The following CASP8 variants were observed in gnomAD, a reference collection of about 807,000 sequenced individuals.
CASP8 encodes caspase-8.
A neutral mutation model predicts 46.3 loss-of-function variants in CASP8; 24 were observed. That is an observed-to-expected ratio of 0.52 (90% CI 0.38 to 0.73). The LOEUF (loss-of-function observed/expected upper bound fraction) is 0.73. CASP8 is among the 30% of genes least tolerant of loss of function. The pLI is 0.00. For synonymous variants in CASP8, 188 were observed against 200.4 expected (o/e 0.94, Z 0.52); for missense variants, 460 against 559.0 (o/e 0.82, Z 1.79).
At chr2:201,237,067 C>G (rs1030867189) in intron 2 of CASP8, among the ~76,000 whole-genome samples, 1 of 151,352 alleles carries the variant, frequency 6.6e-6, no homozygotes, top group Non-Finnish European at 1.5e-5. Context: ...TTCCTTTTCC[C>G]CAGTATGACC....
At chr2:201,247,573 G>A (rs967630006) in intron 2 of CASP8, among the ~76,000 whole-genome samples, 6 of 151,634 alleles carry the variant, frequency 4.0e-5, no homozygotes, top group Non-Finnish European at 8.8e-5. Flanking sequence ...CTGCCTCCCA[G>A]GTTCAAGTGA....
chr2:201,268,909 T>TTGTG (rs58087434), intron 2 of CASP8, among the ~76,000 whole-genome samples: 11,799 of 131,434 alleles, frequency 0.09, 598 homozygotes, highest in East Asian at 0.15. Context: ...GGCCTCATCT[T>TTGTG]TGTGTGTGTG....
intron 1 of CASP8, among the ~76,000 whole-genome samples, chr2:201,261,140 C>T (rs1947360204): frequency 6.6e-6 from 1 of 152,176 alleles, no homozygotes. Flanking sequence ...CGCCTGTCAT[C>T]CCAGCACTTT....
intron 2 of CASP8, 124 bp from the exon 3 acceptor site, chr2:201,271,392 C>T: frequency 1.4e-6 from 1 of 730,448 alleles, no homozygotes; most frequent in South Asian, 1.5e-5. Flanking sequence ...AACTCATAAA[C>T]CATGCCATTA....
chr2:201,283,115 T>C (rs1364183167), intron 7 of CASP8, among the ~76,000 whole-genome samples: 85 of 27,076 alleles, frequency 3.1e-3, no homozygotes, highest in African/African-American at 5.3e-3. Flanking sequence ...ACCTCCCTCC[T>C]GGGCGGGGCG....
intron 7 of CASP8, among the ~76,000 whole-genome samples, chr2:201,282,823 C>T (rs796088257): frequency 2.7e-5 from 2 of 73,450 alleles, no homozygotes; most frequent in East Asian, 4.5e-4. Flanking sequence ...GGGGGGCTGA[C>T]CCCCCCACCT....
At chr2:201,248,638 C>A (rs1404079140) in intron 2 of CASP8, among the ~76,000 whole-genome samples, 2 of 152,202 alleles carry the variant, frequency 1.3e-5, no homozygotes, top group Non-Finnish European at 2.9e-5. Flanking sequence ...TCTATCCATG[C>A]TGTTCTGCCA....
At chr2:201,250,786 C>T (rs994894192) in intron 2 of CASP8, among the ~76,000 whole-genome samples, 5 of 152,244 alleles carry the variant, frequency 3.3e-5, no homozygotes, top group African/African-American at 9.6e-5. Context: ...TTATTCTGAA[C>T]TAAAGTTCCA....
At chr2:201,257,073 A>C (rs1947053084), upstream of CASP8, among the ~76,000 whole-genome samples, 1 of 151,964 alleles carries the variant, frequency 6.6e-6, no homozygotes, top group East Asian at 1.9e-4. Flanking sequence ...TGAACCCGGG[A>C]GGCGGAGGTT....
intron 2 of CASP8, among the ~76,000 whole-genome samples, chr2:201,239,492 G>GT (rs904657399): frequency 2.4e-4 from 36 of 152,062 alleles, no homozygotes; most frequent in East Asian, 1.4e-3. Flanking sequence ...AATTTCTAGT[G>GT]TTTTTTTTGG....
rs553498728 is a variant in CASP8, at chr2:201,267,401, TA to T, written c.305+611del. 8.9e-4 allele frequency among the ~76,000 whole-genome samples: 135 copies of T among 152,280 alleles called. 1 individual carries two copies. The highest frequency in any genetic ancestry group is 3.1e-3 in the African/African-American group (127 of 41,540). On this transcript the variant is annotated intron_variant, in intron 2 of 8. Transcript: ENST00000673742. ...TAAAGACTCGAATGACTAAGTTCTT[TA>T]CGGAGCTGTAAGCCGCTGGCCTGGC...
rs777048017 is a variant in CASP8, at chr2:201,272,208, T to C, written c.412-430T>C. On this transcript the variant is annotated intron_variant, in intron 3 of 8. Transcript: ENST00000673742. The surrounding 1 kb of genome is among the most constrained non-coding windows in gnomAD (Gnocchi z 4.4). ...GAGTATACTCTGTGTGTGTTGTATC[T>C]GTGTGTGTATGTGCATGTGGTGTCT... Among the ~76,000 whole-genome samples, 12 of 151,876 alleles carry C rather than the reference T, an allele frequency of 7.9e-5. No individual in the cohort carries two copies. Among genetic ancestry groups the C allele is most frequent in the Non-Finnish European group, 1.5e-4 (10 of 67,948 alleles).
intron 7 of CASP8, 109 bp from the exon 8 acceptor site, chr2:201,284,707 A>AGGGAGACG: frequency 6.0e-6 from 1 of 167,296 alleles, no homozygotes; most frequent in African/African-American, 4.5e-5. Context: ...GGAGAGGGAG[A>AGGGAGACG]GGGAGAGGGG....
chr2:201,265,501 T>A (rs1472298748), intron 1 of CASP8, among the ~76,000 whole-genome samples: 1 of 152,158 alleles, frequency 6.6e-6, no homozygotes, highest in Non-Finnish European at 1.5e-5. Flanking sequence ...TGGGGTTGAA[T>A]GGGAGGTTGG....
rs575212125 is a variant in CASP8, at chr2:201,243,079, G to C, written c.-27+8967G>C. ...ATGGTGGTTGCCAGGGGCTGGGGAGGGGGGAAATGAGTTGCCTGTCAACAA... is the reference window on the plus strand; with the variant it reads ...ATGGTGGTTGCCAGGGGCTGGGGAGCGGGGAAATGAGTTGCCTGTCAACAA... On this transcript the variant is annotated intron_variant, in intron 2 of 6. Coordinates refer to the CASP8 transcript ENST00000264274. 1.2e-4 allele frequency among the ~76,000 whole-genome samples: 18 copies of C among 152,192 alleles called. 1 individual carries two copies. The highest frequency in any genetic ancestry group is 3.9e-4 in the African/African-American group (16 of 41,538).
At chr2:201,262,764 C>T (rs901533209) in intron 1 of CASP8, among the ~76,000 whole-genome samples, 1 of 152,116 alleles carries the variant, frequency 6.6e-6, no homozygotes, top group African/African-American at 2.4e-5. Flanking sequence ...AAATCTAGGT[C>T]CCATAAAACA....
In CASP8 at chr2:201,286,327, G is replaced by T. The variant is rs182629853; in HGVS notation, c.1305-132G>T. 69 of 1,144,834 alleles carry T rather than the reference G, an allele frequency of 6.0e-5. No homozygotes were observed. The Admixed American group carries it at 1.3e-3, about 21-fold the overall frequency. 70.9% of individuals were successfully genotyped at this position (1,144,834 alleles called of 1,614,324 possible). A position where few individuals can be genotyped will look rare whatever the true frequency, so the allele number is the denominator to read the frequency against. On this transcript the variant is annotated intron_variant, in intron 8 of 8. Transcript: ENST00000673742. ...GAAAGCTGGGGTAGGTCTTGGTTTC[G>T]CACCTTATTGTTTCAAATGACTGAT...
intron 6 of CASP8, 84 bp from the exon 7 acceptor site, chr2:201,276,743 G>C: frequency 6.3e-7 from 1 of 1,584,464 alleles, no homozygotes; most frequent in Non-Finnish European, 8.6e-7. Context: ...TGGAAAGCAA[G>C]TCCTCTTACT....
In CASP8 at chr2:201,266,677, A is replaced by G. The variant is rs1163102643; in HGVS notation, c.191A>G (p.Glu64Gly). ...GAAAGCAATCTGTCCTTCCTGAAGGAGCTGCTCTTCCGAATTAATAGACTG... is the reference window on the plus strand; with the variant it reads ...GAAAGCAATCTGTCCTTCCTGAAGGGGCTGCTCTTCCGAATTAATAGACTG... ...LEESNLSFLKELLFRINRLDL... is the reference protein window; with the variant it reads ...LEESNLSFLKGLLFRINRLDL... The change falls in exon 2 of 9, where the codon GAG becomes GGG. Residue 64 changes from glutamate to glycine, a missense_variant. Glu to Gly is a moderately conservative substitution (Grantham distance 98). Transcript: ENST00000673742. This position sits in a 1 kb window ranked among gnomAD's most constrained non-coding sequence, Gnocchi z 5.7. 1 of 1,614,086 alleles carries G rather than the reference A, an allele frequency of 6.2e-7. No individual in the cohort carries two copies. Among genetic ancestry groups the G allele is most frequent in the Non-Finnish European group, 8.5e-7 (1 of 1,179,960 alleles).
Sources: gnomAD v4.1 joint callset for allele counts (sites outside exome capture counted in the v4.1 genomes callset) on GRCh38, gnomAD v4.1.1 for gene constraint, Gnocchi (gnomAD v3.1) non-coding constraint, MANE v1.5 for transcripts, NCBI Gene and HGNC (gene_info 2026-07-23, HGNC 2026-07-21) for gene names.